BBOX1: variants seen among roughly 807,000 people sequenced by gnomAD.
BBOX1 encodes gamma-butyrobetaine hydroxylase 1, also known as gamma-butyrobetaine dioxygenase.
A neutral mutation model predicts 41.6 loss-of-function variants in BBOX1; 35 were observed. The observed-to-expected ratio is 0.84, with a 90% CI of 0.64 to 1.11. The LOEUF is 1.11. BBOX1 is among the 50% of genes most tolerant of loss of function. BBOX1 has a pLI of 0.00. For missense variants in BBOX1, 458 were observed against 460.6 expected, an observed-to-expected ratio of 0.99 and a Z score of 0.05; for synonymous variants, 163 against 154.7, an observed-to-expected ratio of 1.05 and a Z score of -0.40.
At chr11:27,103,718 A>G (rs1858754765) in intron 5 of BBOX1, among the ~76,000 whole-genome samples, 1 of 151,980 alleles carries the variant, frequency 6.6e-6, no homozygotes, top group African/African-American at 2.4e-5. Context: ...CAGAAGGTAG[A>G]AAAAATAATA....
chr11:27,119,612 T>A, intron 6 of BBOX1, 37 bp from the exon 7 acceptor site: 1 of 1,110,644 alleles, frequency 9.0e-7, no homozygotes, highest in Non-Finnish European at 1.2e-6. Context: ...AAATGTAATT[T>A]AATATTTATT....
intron 4 of BBOX1, among the ~76,000 whole-genome samples, chr11:27,077,985 G>A (rs1417849223): frequency 5.9e-5 from 9 of 151,996 alleles, no homozygotes; most frequent in Admixed American, 5.9e-4. Flanking sequence ...ATTGCCTACA[G>A]AATAAAATTC....
In BBOX1 at chr11:27,119,647, A is replaced by G. The variant is rs943953580; in HGVS notation, c.640-2A>G. On this transcript the variant is annotated splice_acceptor_variant, in intron 6 of 8. Coordinates refer to ENST00000263182, the MANE Select transcript of BBOX1 (RefSeq NM_003986.3). LOFTEE classifies it high-confidence loss of function. ...TTAATAATGCATATTTTCTTTTTATAGGTTCAGCTTCTTCACTGCATAAAG... is the reference window on the plus strand; with the variant it reads ...TTAATAATGCATATTTTCTTTTTATGGGTTCAGCTTCTTCACTGCATAAAG... 13 of 1,384,432 alleles carry G rather than the reference A, an allele frequency of 9.4e-6. No individual in the cohort carries two copies. The highest frequency in any genetic ancestry group is 1.2e-5 in the Non-Finnish European group (13 of 1,064,924). 85.8% of individuals were successfully genotyped at this position (1,384,432 alleles called of 1,614,324 possible).
intron 4 of BBOX1, among the ~76,000 whole-genome samples, chr11:27,067,335 G>A (rs953883988): frequency 1.2e-4 from 19 of 152,016 alleles, no homozygotes; most frequent in Admixed American, 8.5e-4. Flanking sequence ...AGTAGTGTAC[G>A]TTGTAACGAA....
chr11:27,116,737 C>T (rs1021749567), intron 6 of BBOX1, among the ~76,000 whole-genome samples: 1 of 151,942 alleles, frequency 6.6e-6, no homozygotes, highest in African/African-American at 2.4e-5. Context: ...CAGACAGCTA[C>T]ACAACTTCTC....
chr11:27,080,723 A>T (rs897638368), intron 4 of BBOX1, among the ~76,000 whole-genome samples: 2 of 152,166 alleles, frequency 1.3e-5, no homozygotes, highest in African/African-American at 4.8e-5. Context: ...CTGAAGTAAG[A>T]ATCAAAGTCA....
chr11:27,045,929 A>G (rs1039980454), intron 2 of BBOX1, among the ~76,000 whole-genome samples: 6 of 152,166 alleles, frequency 3.9e-5, no homozygotes, highest in African/African-American at 1.4e-4. Flanking sequence ...AATTAGTTGT[A>G]AGTAATGTTT....
intron 8 of BBOX1, among the ~76,000 whole-genome samples, chr11:27,126,094 G>C (rs1174643850): frequency 6.6e-6 from 1 of 152,078 alleles, no homozygotes; most frequent in Admixed American, 6.5e-5. Flanking sequence ...TTTACTAGTG[G>C]AGACAGTACT....
At chr11:27,043,580 G>C (rs991989487) in intron 2 of BBOX1, among the ~76,000 whole-genome samples, 2 of 151,622 alleles carry the variant, frequency 1.3e-5, no homozygotes, top group Admixed American at 1.3e-4. Flanking sequence ...TCTCCTAATG[G>C]TATCCCTCCC....
At chr11:27,061,708 T>C (rs1857137712) in intron 4 of BBOX1, among the ~76,000 whole-genome samples, 1 of 152,190 alleles carries the variant, frequency 6.6e-6, no homozygotes, top group Non-Finnish European at 1.5e-5. Flanking sequence ...TTCCTTGATC[T>C]TCCCCCTGGC....
intron 4 of BBOX1, among the ~76,000 whole-genome samples, chr11:27,067,375 C>T (rs976102205): frequency 6.6e-6 from 1 of 152,014 alleles, no homozygotes; most frequent in East Asian, 1.9e-4. Flanking sequence ...TACCTCTTCT[C>T]ACGCTCCCAC....
intron 4 of BBOX1, among the ~76,000 whole-genome samples, chr11:27,077,713 T>C (rs186155373): frequency 6.6e-6 from 1 of 152,268 alleles, no homozygotes; most frequent in Admixed American, 6.5e-5. Flanking sequence ...TAAAATTGCT[T>C]TCTCATTGTC....
chr11:27,093,282 T>C lies in BBOX1; in HGVS notation c.449T>C (p.Val150Ala), dbSNP rs1858317283. 1.9e-6 allele frequency: 3 copies of C among 1,612,472 alleles called. No individual in the cohort carries two copies. The South Asian group carries it at 3.3e-5, about 18-fold the overall frequency. ...TCCACCCTCAAGAAAGTAGGCATAGTAAGACTCACCGGAGCATCTGACAAA... is the reference window on the plus strand; with the variant it reads ...TCCACCCTCAAGAAAGTAGGCATAGCAAGACTCACCGGAGCATCTGACAAA... ...WLSTLKKVGI[V>A]RLTGASDKPG... Residue 150 changes from valine to alanine, a missense_variant, in exon 5 of 9, where the codon GTA (valine) becomes GCA (alanine). Transcript: ENST00000263182.
At chr11:27,091,499 A>G (rs1443540397) in intron 4 of BBOX1, among the ~76,000 whole-genome samples, 3 of 151,880 alleles carry the variant, frequency 2.0e-5, no homozygotes, top group Non-Finnish European at 2.9e-5. Flanking sequence ...TTCATGCCTC[A>G]TTGTCTGTTA....
intron 6 of BBOX1, among the ~76,000 whole-genome samples, chr11:27,117,394 CAT>C (rs754961148): frequency 5.3e-5 from 8 of 151,960 alleles, no homozygotes; most frequent in African/African-American, 1.7e-4. Flanking sequence ...TAAAATACCA[CAT>C]GATTTCTTTG....
rs368704662 is a variant in BBOX1 at position 27,101,783 on chromosome 11, A to G, written c.533+8417A>G. ...TTACAGTGTACAACATGACATTTTG[A>G]TTGCCACAATCAAGCTTATTAACAT... On this transcript the variant is annotated intron_variant, in intron 5 of 8. Transcript: ENST00000263182. Among the ~76,000 whole-genome samples the G allele has an allele frequency of 9.9e-5, 15 of 152,280 alleles. No homozygotes were observed. The East Asian group carries it at 2.7e-3, about 27-fold the overall frequency.
At chr11:27,094,964 T>C (rs572966862) in intron 5 of BBOX1, among the ~76,000 whole-genome samples, 1 of 152,066 alleles carries the variant, frequency 6.6e-6, no homozygotes, top group East Asian at 1.9e-4. Flanking sequence ...TATTGTTCAT[T>C]TAATTGTCAC....
Position 27,053,758 on chromosome 11 carries a change from T to C in BBOX1, c.-38-1635T>C, listed in dbSNP as rs74618394. ...ATGCTCCTCACTCAGACTTATGAGC[T>C]AAATTTCCAGGTTTGAAAGTACACT... On this transcript the variant is annotated intron_variant, in intron 2 of 8. Coordinates refer to ENST00000263182, the MANE Select transcript of BBOX1 (RefSeq NM_003986.3). Among the ~76,000 whole-genome samples the C allele has an allele frequency of 5.8e-3, 878 of 152,306 alleles. 16 individuals are homozygous for C. The highest frequency in any genetic ancestry group is 0.02 in the African/African-American group (822 of 41,580).
chr11:27,064,185 G>GCA (rs1262214268), intron 4 of BBOX1, among the ~76,000 whole-genome samples: 1 of 151,928 alleles, frequency 6.6e-6, no homozygotes, highest in Non-Finnish European at 1.5e-5. Context: ...AAAAGAACTA[G>GCA]CAAGACTTGG....
Sources: allele counts gnomAD v4.1 joint callset (sites outside exome capture counted in the v4.1 genomes callset), GRCh38; gene constraint gnomAD v4.1.1; transcripts MANE v1.5; gene names NCBI Gene and HGNC (gene_info 2026-07-23, HGNC 2026-07-21).